The following PRIMPOL variants were observed in gnomAD, a reference collection of about 807,000 sequenced individuals.
The protein encoded by PRIMPOL is primase and DNA directed polymerase.
A neutral mutation model predicts 63.6 loss-of-function variants in PRIMPOL; 54 were observed. The observed-to-expected ratio is 0.85, with a 90% CI of 0.68 to 1.07. PRIMPOL has a LOEUF of 1.07. Among genes scored for constraint, PRIMPOL ranks in the 50% least tolerant of loss-of-function variants. The pLI, the probability that PRIMPOL is intolerant of heterozygous loss-of-function variation, is 0.00. For missense variants in PRIMPOL, 610 were observed against 648.3 expected (o/e 0.94, Z 0.64); for synonymous variants, 197 against 220.2 (o/e 0.89, Z 0.93).
intron 7 of PRIMPOL, among the ~76,000 whole-genome samples, chr4:184,677,647 AG>A (rs1329598091): frequency 7.9e-5 from 12 of 152,312 alleles, no homozygotes; most frequent in African/African-American, 2.9e-4. Flanking sequence ...TTTAAATTTT[AG>A]AGTCAGTTTG....
chr4:184,671,117 A>G (rs575613174), intron 6 of PRIMPOL, among the ~76,000 whole-genome samples: 1 of 152,178 alleles, frequency 6.6e-6, no homozygotes, highest in African/African-American at 2.4e-5. Flanking sequence ...TTTCTTACCA[A>G]CTTTTCATGG....
intron 2 of PRIMPOL, among the ~76,000 whole-genome samples, chr4:184,652,985 AGGAAGGAAGGAAGAAG>A (rs1338321736): frequency 0.018 from 122 of 6,902 alleles, 28 homozygotes; most frequent in Middle Eastern, 0.17. Flanking sequence ...GGAGGGAGGA[AGGAAGGAAGGAAGAAG>A]GGAAGGAAGG....
intron 5 of PRIMPOL, 40 bp from the exon 6 acceptor site, chr4:184,665,877 C>T: frequency 2.1e-6 from 3 of 1,400,860 alleles, no homozygotes; most frequent in Non-Finnish European, 2.9e-6. Flanking sequence ...AATTTTAAAA[C>T]AAAAAATATA....
At chr4:184,694,040 AAAT>A (rs1408136201) in intron 13 of PRIMPOL, among the ~76,000 whole-genome samples, 3 of 152,240 alleles carry the variant, frequency 2.0e-5, no homozygotes. Flanking sequence ...TTCTATGGTA[AAAT>A]AATTGATACA....
chr4:184,655,207 A>T (rs1745989186), intron 2 of PRIMPOL, among the ~76,000 whole-genome samples: 1 of 151,506 alleles, frequency 6.6e-6, no homozygotes, highest in African/African-American at 2.4e-5. Context: ...ACGGGGTTTC[A>T]CCATATTGGT....
At chr4:184,683,963 A>G (rs560474067) in intron 9 of PRIMPOL, among the ~76,000 whole-genome samples, 3 of 152,266 alleles carry the variant, frequency 2.0e-5, no homozygotes, top group Non-Finnish European at 4.4e-5. Context: ...TGTGTATGGT[A>G]TGATTACAAG....
intron 5 of PRIMPOL, among the ~76,000 whole-genome samples, chr4:184,664,397 G>T (rs879887556): frequency 1.3e-5 from 2 of 152,222 alleles, no homozygotes; most frequent in Non-Finnish European, 2.9e-5. Flanking sequence ...AGATTTAGCT[G>T]CCATAATAAA....
intron 6 of PRIMPOL, among the ~76,000 whole-genome samples, chr4:184,667,466 A>G (rs1054250048): frequency 2.2e-4 from 33 of 152,092 alleles, no homozygotes; most frequent in Non-Finnish European, 1.3e-4. Context: ...GTGTGCCACC[A>G]TGCCCGGCTA....
chr4:184,663,738 T>C (rs1749043916), intron 5 of PRIMPOL, among the ~76,000 whole-genome samples: 1 of 152,242 alleles, frequency 6.6e-6, no homozygotes, highest in Non-Finnish European at 1.5e-5. Context: ...ATTTAACATG[T>C]TTACCATGTT....
intron 11 of PRIMPOL, chr4:184,691,274 T>C: frequency 2.2e-6 from 1 of 462,890 alleles, no homozygotes. Context: ...TGTTACATCT[T>C]CCTGGGGGAA....
At chr4:184,669,619 A>G (rs1163373752) in intron 6 of PRIMPOL, among the ~76,000 whole-genome samples, 6 of 152,244 alleles carry the variant, frequency 3.9e-5, no homozygotes, top group Admixed American at 3.3e-4. Flanking sequence ...TGCTACAGGT[A>G]TCTTCTGAAA....
chr4:184,672,380 C>T lies in PRIMPOL; in HGVS notation c.764C>T (p.Ser255Leu), dbSNP rs1175218167. 6.2e-7 allele frequency: 1 copy of T among 1,614,078 alleles called. No individual in the cohort carries two copies. The highest frequency in any genetic ancestry group is 8.5e-7 in the Non-Finnish European group (1 of 1,180,012). The change falls in exon 7 of 14, where the codon TCA becomes TTA. Residue 255 changes from serine (S) to leucine (L), a missense_variant. Around this residue, in one of 3 missense-constraint regions of PRIMPOL, gnomAD observed 444 missense variants for 456.4 expected, o/e 0.97. Transcript: ENST00000314970. ...TCAAAGAAACTGGAGAGGCTGGGGT[C>T]AGCTGAGCAAAGCAGTCCTGACCTT... Reference protein sequence around the residue: ...SNSKKLERLGSAEQSSPDLSF... With the variant: ...SNSKKLERLGLAEQSSPDLSF...
chr4:184,668,654 G>A (rs1012048683), intron 6 of PRIMPOL, among the ~76,000 whole-genome samples: 1 of 152,130 alleles, frequency 6.6e-6, no homozygotes, highest in Non-Finnish European at 1.5e-5. Context: ...AGCTGTTTCT[G>A]TCATATCTCA....
At chr4:184,663,386 A>G (rs935270606) in intron 5 of PRIMPOL, among the ~76,000 whole-genome samples, 2 of 152,170 alleles carry the variant, frequency 1.3e-5, no homozygotes, top group Non-Finnish European at 2.9e-5. Flanking sequence ...ACTTTCTTCT[A>G]CAGTCTAAAG....
Position 184,687,677 on chromosome 4 carries a change from C to T in PRIMPOL, c.1295+1993C>T, listed in dbSNP as rs577624201. ...TCGCCCAGGCTGGGGTGCAATCGCA[C>T]GATCTCGGCTCACTGCAACCTCTGT... On this transcript the variant is annotated intron_variant, in intron 11 of 13. Coordinates refer to ENST00000314970, the MANE Select transcript of PRIMPOL (RefSeq NM_152683.4). 2.0e-4 allele frequency among the ~76,000 whole-genome samples: 31 copies of T among 152,284 alleles called. No homozygotes were observed. In the South Asian group the frequency reaches 6.2e-3, roughly 31 times the overall value.
At chr4:184,681,219 C>T (rs893007944) in intron 8 of PRIMPOL, among the ~76,000 whole-genome samples, 6 of 152,038 alleles carry the variant, frequency 3.9e-5, no homozygotes, top group African/African-American at 1.5e-4. Context: ...ATCTGTTTTT[C>T]CCCTTTGCTC....
intron 9 of PRIMPOL, among the ~76,000 whole-genome samples, chr4:184,684,370 C>A (rs1368300523): frequency 6.6e-6 from 1 of 151,842 alleles, no homozygotes; most frequent in Non-Finnish European, 1.5e-5. Context: ...GCAGGAGAAT[C>A]GCTTGAACCC....
chr4:184,655,569 C>T (rs1746167731), intron 2 of PRIMPOL, among the ~76,000 whole-genome samples: 1 of 152,182 alleles, frequency 6.6e-6, no homozygotes, highest in Admixed American at 6.5e-5. Flanking sequence ...ATCCACCCGC[C>T]TCAGCGTCCC....
intron 7 of PRIMPOL, among the ~76,000 whole-genome samples, chr4:184,674,389 A>G (rs755756410): frequency 6.6e-6 from 1 of 152,194 alleles, no homozygotes; most frequent in African/African-American, 2.4e-5. Context: ...AAGACAAGAA[A>G]TAGATTACCA....
Sources: gnomAD v4.1 joint callset for allele counts (sites outside exome capture counted in the v4.1 genomes callset) on GRCh38, gnomAD v4.1.1 for gene constraint, gnomAD v4.1.1 regional missense constraint, MANE v1.5 for transcripts, NCBI Gene and HGNC (gene_info 2026-07-23, HGNC 2026-07-21) for gene names.